The following ABCA13 variants were observed in gnomAD, a reference collection of about 807,000 sequenced individuals.
The protein encoded by ABCA13 is ATP-binding cassette sub-family A member 13.
ABCA13 carries 476 observed loss-of-function variants against 478.7 expected under a neutral mutation model. The observed-to-expected ratio is 0.99, with a 90% CI of 0.92 to 1.07. The LOEUF (loss-of-function observed/expected upper bound fraction) is 1.07. ABCA13 is among the 50% of genes least tolerant of loss of function. The pLI, the probability that ABCA13 is intolerant of heterozygous loss-of-function variation, is 0.00. For synonymous variants in ABCA13, 2,252 were observed against 2,158.9 expected (o/e 1.04, Z -1.20); for missense variants, 6,060 against 5,910.6 (o/e 1.03, Z -0.83).
intron 27 of ABCA13, among the ~76,000 whole-genome samples, chr7:48,325,799 G>T (rs1804234682): frequency 6.6e-6 from 1 of 152,202 alleles, no homozygotes; most frequent in African/African-American, 2.4e-5. Flanking sequence ...CTGGGGCAGA[G>T]AACCCAAGGA....
Position 48,244,670 on chromosome 7 carries a change from A to T in ABCA13, c.1357A>T (p.Asn453Tyr), listed in dbSNP as rs1791397284. The change falls in exon 11 of 62, where the codon AAT becomes TAT. Residue 453 changes from asparagine to tyrosine, a missense_variant. This residue lies in a region of ABCA13 where 4,423 missense variants were observed against 4,309.1 expected (regional missense o/e 1.03). Transcript: ENST00000435803. Reference sequence around the variant, plus strand: ...TCTTCAGCTTGATGGAGCTCTCAGAAATGCGATAGCTCAGAATTTACATTT... The same window carrying T: ...TCTTCAGCTTGATGGAGCTCTCAGATATGCGATAGCTCAGAATTTACATTT... ...RFLQLDGALRNAIAQNLHFVQ... is the reference protein window; with the variant it reads ...RFLQLDGALRYAIAQNLHFVQ... The T allele has an allele frequency of 1.2e-6, 2 of 1,609,560 alleles. No individual in the cohort carries two copies. The highest frequency in any genetic ancestry group is 1.7e-6 in the Non-Finnish European group (2 of 1,177,230).
intron 48 of ABCA13, among the ~76,000 whole-genome samples, chr7:48,497,776 C>T (rs1452763206): frequency 6.6e-6 from 1 of 152,140 alleles, no homozygotes; most frequent in African/African-American, 2.4e-5. Context: ...GTAGAGTCTG[C>T]TCCCCATTGG....
chr7:48,440,154 G>A (rs1355120655), intron 42 of ABCA13, among the ~76,000 whole-genome samples: 1 of 151,796 alleles, frequency 6.6e-6, no homozygotes, highest in Non-Finnish European at 1.5e-5. Context: ...ATAGTAAATG[G>A]CACAGATGTT....
chr7:48,409,436 C>G (rs771003744), intron 39 of ABCA13, among the ~76,000 whole-genome samples: 4 of 152,158 alleles, frequency 2.6e-5, no homozygotes, highest in Non-Finnish European at 4.4e-5. Flanking sequence ...CCAAAGGAAG[C>G]CATGCCCACT....
At chr7:48,491,759 A>G (rs1487411604) in intron 48 of ABCA13, among the ~76,000 whole-genome samples, 1 of 152,150 alleles carries the variant, frequency 6.6e-6, no homozygotes, top group Non-Finnish European at 1.5e-5. Flanking sequence ...GTTCTGATGA[A>G]AATATTTCAT....
chr7:48,398,388 G>T (rs1335618232), intron 38 of ABCA13, among the ~76,000 whole-genome samples: 1 of 152,144 alleles, frequency 6.6e-6, no homozygotes, highest in Non-Finnish European at 1.5e-5. Flanking sequence ...TTGCACAAAA[G>T]CAACCAGAAT....
rs35693419 is a variant in ABCA13 at position 48,570,319 on chromosome 7, C to CTTTTTTTT, written c.14355-9889_14355-9882dup. 8.4e-4 allele frequency among the ~76,000 whole-genome samples: 74 copies of CTTTTTTTT among 88,198 alleles called. 1 individual carries two copies. The highest frequency in any genetic ancestry group is 1.5e-3 in the African/African-American group (31 of 20,006). 57.9% of individuals were successfully genotyped at this position (88,198 alleles called of 152,430 possible). A position where few individuals can be genotyped will look rare whatever the true frequency, so the allele number is the denominator to read the frequency against. The stretch of plus-strand genomic sequence containing the variant: ...TTCATTGTATATCTTTTTGCATCCT[C>CTTTTTTTT]TTTTTTTTTTTTTTTTTTTTTTTGA... On this transcript the variant is annotated intron_variant, in intron 55 of 61. Coordinates refer to ENST00000435803, the MANE Select transcript of ABCA13 (RefSeq NM_152701.5).
intron 2 of ABCA13, among the ~76,000 whole-genome samples, chr7:48,195,494 A>G (rs1797802073): frequency 6.6e-6 from 1 of 152,134 alleles, no homozygotes; most frequent in Non-Finnish European, 1.5e-5. Flanking sequence ...GGCTGGATGC[A>G]TGAGGACAGG....
chr7:48,519,771 G>A lies in ABCA13; in HGVS notation c.13798-270G>A, dbSNP rs1585682907. Among the ~76,000 whole-genome samples the A allele has an allele frequency of 2.0e-5, 3 of 152,246 alleles. No individual in the cohort carries two copies. In the East Asian group the frequency reaches 5.8e-4, roughly 29 times the overall value. ...TAACACCTTTGTTCATACTTGTGTAGAGATCATTGTGATTTCCTTAAAAGT... is the reference window on the plus strand; with the variant it reads ...TAACACCTTTGTTCATACTTGTGTAAAGATCATTGTGATTTCCTTAAAAGT... On this transcript the variant is annotated intron_variant, in intron 52 of 61. Coordinates refer to ENST00000435803, the MANE Select transcript of ABCA13 (RefSeq NM_152701.5).
chr7:48,463,165 A>T (rs897805066), intron 43 of ABCA13, among the ~76,000 whole-genome samples: 1 of 151,834 alleles, frequency 6.6e-6, no homozygotes, highest in East Asian at 1.9e-4. Context: ...TTCCTGCAGC[A>T]CCTTTATTTT....
chr7:48,643,814 T>C (rs1388715206), intron 60 of ABCA13, among the ~76,000 whole-genome samples: 1 of 152,208 alleles, frequency 6.6e-6, no homozygotes, highest in African/African-American at 2.4e-5. Context: ...CTCTATAAAC[T>C]TGCTGTCATC....
intron 8 of ABCA13, among the ~76,000 whole-genome samples, 174 bp from the exon 9 acceptor site, chr7:48,239,067 T>C (rs1471694110): frequency 1.3e-5 from 2 of 152,192 alleles, no homozygotes; most frequent in Non-Finnish European, 2.9e-5. Context: ...ATAACTTTTT[T>C]TTTTTAACTA....
intron 47 of ABCA13, among the ~76,000 whole-genome samples, chr7:48,483,916 C>T (rs181610318): frequency 2.1e-4 from 32 of 152,226 alleles, no homozygotes; most frequent in Non-Finnish European, 1.3e-4. Context: ...AAGTCCACTG[C>T]GGGAGAGTGA....
intron 19 of ABCA13, 74 bp downstream of exon 19, chr7:48,281,526 A>G (rs1797035507): frequency 7.8e-7 from 1 of 1,283,090 alleles, no homozygotes; most frequent in Non-Finnish European, 1.1e-6. Context: ...CAGAGAGATG[A>G]GTATATTGCA....
intron 59 of ABCA13, chr7:48,627,001 G>A (rs1157241317): frequency 1.0e-6 from 1 of 985,316 alleles, no homozygotes; most frequent in Non-Finnish European, 1.2e-6. Context: ...CAACTTTGAA[G>A]CAATATTTAT....
intron 47 of ABCA13, among the ~76,000 whole-genome samples, chr7:48,488,236 GTT>G (rs60590500): frequency 7.0e-6 from 1 of 142,084 alleles, no homozygotes; most frequent in Non-Finnish European, 1.5e-5. Context: ...GTAGGGTTTT[GTT>G]TTTTTTTTTT....
intron 15 of ABCA13, among the ~76,000 whole-genome samples, chr7:48,260,937 A>C (rs1397250990): frequency 6.6e-6 from 1 of 151,522 alleles, no homozygotes; most frequent in South Asian, 2.1e-4. Flanking sequence ...TCTTCCAGCA[A>C]CTTTTTCAGG....
chr7:48,643,431 C>T, intron 60 of ABCA13, 38 bp downstream of exon 60: 1 of 1,481,834 alleles, frequency 6.7e-7, no homozygotes, highest in Non-Finnish European at 9.3e-7. Flanking sequence ...TTGTTTTCAG[C>T]TAAAAAAAAA....
chr7:48,250,027 A>C (rs551578045), intron 15 of ABCA13, among the ~76,000 whole-genome samples: 1 of 150,736 alleles, frequency 6.6e-6, no homozygotes, highest in South Asian at 2.1e-4. Flanking sequence ...ATTGGGTATA[A>C]ATCAGGATTC....
Sources: gnomAD v4.1 joint callset for allele counts (sites outside exome capture counted in the v4.1 genomes callset) on GRCh38, gnomAD v4.1.1 for gene constraint, gnomAD v4.1.1 regional missense constraint, MANE v1.5 for transcripts, NCBI Gene and HGNC (gene_info 2026-07-23, HGNC 2026-07-21) for gene names.